The following MBOAT7 variants were observed in gnomAD, a reference collection of about 807,000 sequenced individuals.
MBOAT7 encodes membrane bound acylglycerophosphatidylinositol O-acyltransferase MBOAT7.
MBOAT7 carries 40 observed loss-of-function variants against 47.4 expected under a neutral mutation model. That is an observed-to-expected ratio of 0.84 (90% CI 0.66 to 1.10). MBOAT7 has a LOEUF of 1.10. Among genes scored for constraint, MBOAT7 ranks in the 50% least tolerant of loss-of-function variants. The pLI is 0.00. For synonymous variants in MBOAT7, 361 were observed against 292.0 expected (o/e 1.24, Z -2.41); for missense variants, 680 against 655.6 (o/e 1.04, Z -0.41).
chr19:54,185,487 C>A (rs1216171736), intron 4 of MBOAT7, among the ~76,000 whole-genome samples: 14 of 152,096 alleles, frequency 9.2e-5, no homozygotes, highest in Non-Finnish European at 1.5e-5. Flanking sequence ...ACATCCTGCC[C>A]AATTGGTGGC....
intron 5 of MBOAT7, 101 bp downstream of exon 5, chr19:54,183,420 T>G: frequency 4.4e-6 from 6 of 1,351,988 alleles, no homozygotes; most frequent in Non-Finnish European, 6.1e-6. Context: ...GATGCTAGGA[T>G]GGAGGTTGCC....
chr19:54,181,255 G>A (rs924327989), intron 5 of MBOAT7, 122 bp from the exon 6 acceptor site: 34 of 1,244,326 alleles, frequency 2.7e-5, no homozygotes, highest in East Asian at 2.7e-5. Context: ...GCAGAGACTG[G>A]GCGCCGGGGA....
At position 54,177,826 on chromosome 19, in the gene MBOAT7, C is replaced by G. The variant is rs556265715; in HGVS notation, c.1031+939G>C. ...CATATTGCCCTGACCTCAAGATGATCCACCTGCCTGGGCCTCCCAAACTGC... is the reference window on the plus strand; with the variant it reads ...CATATTGCCCTGACCTCAAGATGATGCACCTGCCTGGGCCTCCCAAACTGC... On this transcript the variant is annotated intron_variant, in intron 7 of 7. Transcript: ENST00000245615. 2.0e-5 allele frequency among the ~76,000 whole-genome samples: 3 copies of G among 151,674 alleles called. No individual in the cohort carries two copies. In the South Asian group the frequency reaches 6.3e-4, roughly 32 times the overall value.
Position 54,178,845 on chromosome 19 carries a change from C to T in MBOAT7, c.951G>A (p.Met317Ile). 1 of 1,613,732 alleles carries T rather than the reference C, an allele frequency of 6.2e-7. No homozygotes were observed. Among genetic ancestry groups the T allele is most frequent in the Non-Finnish European group, 8.5e-7 (1 of 1,180,028 alleles). Residue 317 changes from methionine to isoleucine, a missense_variant, in exon 7 of 8, where the codon ATG becomes ATA. Transcript: ENST00000245615. The stretch of plus-strand genomic sequence containing the variant: ...ACTGCACCGTCATGTTCCAGTACCG[C>T]ATGCCATCGCGCACCCGCACGCAGA... The part of the protein sequence containing the change: ...TDFCVRVRDG[M>I]RYWNMTVQWW...
At chr19:54,188,735 G>A (rs961153931) in intron 1 of MBOAT7, among the ~76,000 whole-genome samples, 21 of 151,756 alleles carry the variant, frequency 1.4e-4, no homozygotes, top group South Asian at 2.1e-4. Flanking sequence ...TGAGCGCACA[G>A]GCCTCCAGCT....
chr19:54,182,223 T>C lies in MBOAT7; in HGVS notation c.494-1090A>G, dbSNP rs183681013. On this transcript the variant is annotated intron_variant, in intron 5 of 7. Coordinates refer to ENST00000245615, the MANE Select transcript of MBOAT7 (RefSeq NM_024298.5). Reference sequence around the variant, plus strand: ...CACAAAGGCCGTATGTTTAGGTCAATGTAGCATGGGAAGATAAAAGGAAAA... The same window carrying C: ...CACAAAGGCCGTATGTTTAGGTCAACGTAGCATGGGAAGATAAAAGGAAAA... Among the ~76,000 whole-genome samples the C allele has an allele frequency of 5.0e-3, 765 of 151,746 alleles. 4 individuals carry two copies. Among genetic ancestry groups the C allele is most frequent in the Admixed American group, 8.3e-3 (126 of 15,250 alleles).
chr19:54,177,669 C>T (rs1003803955), intron 7 of MBOAT7, among the ~76,000 whole-genome samples: 6 of 152,068 alleles, frequency 3.9e-5, no homozygotes, highest in South Asian at 2.1e-4. Context: ...CTCCGCCTCC[C>T]GGGTTCAAGT....
intron 3 of MBOAT7, among the ~76,000 whole-genome samples, chr19:54,188,002 C>T (rs1437004415): frequency 4.6e-5 from 6 of 129,836 alleles, no homozygotes; most frequent in African/African-American, 1.8e-4. Context: ...GCAACAGGAG[C>T]GAAACTCCAT....
chr19:54,188,550 A>T, intron 1 of MBOAT7, 39 bp from the exon 2 acceptor site: 1 of 1,536,816 alleles, frequency 6.5e-7, no homozygotes. Flanking sequence ...GAACCCAGGA[A>T]TCCAGGCCCC....
intron 4 of MBOAT7, among the ~76,000 whole-genome samples, chr19:54,184,329 CCT>C (rs1425759747): frequency 2.0e-5 from 3 of 151,940 alleles, no homozygotes; most frequent in African/African-American, 7.3e-5. Flanking sequence ...GATCTGCCCG[CCT>C]TGAAATCCCT....
At chr19:54,182,659 TACACATAC>T (rs911750105) in intron 5 of MBOAT7, among the ~76,000 whole-genome samples, 1 of 152,022 alleles carries the variant, frequency 6.6e-6, no homozygotes, top group Non-Finnish European at 1.5e-5. Context: ...CACATATATA[TACACATAC>T]ACACATACAT....
Position 54,174,196 on chromosome 19 carries a change from G to A in MBOAT7, c.1267C>T (p.Leu423Phe), listed in dbSNP as rs996881053. ...GFVLLSLADT[L>F]RYWASIYFCI... ...AAGTAGATGGAGGCCCAGTACCGAA[G>A]GGTGTCGGCCAAGGAGAGCAGCACG... Residue 423 changes from leucine (L) to phenylalanine (F), a missense_variant, in exon 8 of 8, where the codon CTT becomes TTT. Coordinates refer to ENST00000245615, the MANE Select transcript of MBOAT7 (RefSeq NM_024298.5). 1.0e-5 allele frequency: 16 copies of A among 1,599,732 alleles called. No individual in the cohort carries two copies. The highest frequency in any genetic ancestry group is 1.4e-5 in the Non-Finnish European group (16 of 1,171,614).
At chr19:54,175,326 C>T (rs1473286829) in intron 7 of MBOAT7, among the ~76,000 whole-genome samples, 2 of 152,158 alleles carry the variant, frequency 1.3e-5, no homozygotes, top group Non-Finnish European at 2.9e-5. Context: ...TCAGCATCAC[C>T]TGAGAACTTG....
At position 54,178,991 on chromosome 19, in the gene MBOAT7, C is replaced by T. The variant is rs376980728; in HGVS notation, c.855-50G>A. On this transcript the variant is annotated intron_variant, in intron 6 of 7. Transcript: ENST00000245615. ...GGGACAGACATGCAGCTCAGCCAGG[C>T]CCCCTCCCGACGCCTGCTAGTGTCC... 1.5e-4 allele frequency: 236 copies of T among 1,595,054 alleles called. 1 individual carries two copies. In the South Asian group the frequency reaches 2.5e-3, roughly 17 times the overall value.
chr19:54,176,471 T>C (rs2076111157), intron 7 of MBOAT7, among the ~76,000 whole-genome samples: 1 of 151,978 alleles, frequency 6.6e-6, no homozygotes, highest in Non-Finnish European at 1.5e-5. Context: ...GACAGGAGGA[T>C]TGCTTGAACC....
intron 6 of MBOAT7, 113 bp from the exon 7 acceptor site, chr19:54,179,054 A>G (rs565406653): frequency 7.1e-7 from 1 of 1,412,792 alleles, no homozygotes; most frequent in East Asian, 2.4e-5. Flanking sequence ...TGGCCAGGCA[A>G]TGGCCCTCTG....
intron 7 of MBOAT7, among the ~76,000 whole-genome samples, chr19:54,175,747 C>T (rs575711683): frequency 7.2e-5 from 11 of 152,202 alleles, no homozygotes; most frequent in Admixed American, 2.6e-4. Context: ...GTTGTTCAGA[C>T]GGAGTCTCGC....
At chr19:54,178,515 C>CTCAGTACATTGCT (rs1464478422) in intron 7 of MBOAT7, 1 of 1,409,336 alleles carries the variant, frequency 7.1e-7, no homozygotes, top group East Asian at 2.6e-5. Context: ...GTCCACAGGA[C>CTCAGTACATTGCT]TCAGTACATT....
At chr19:54,177,822 T>C (rs960464572) in intron 7 of MBOAT7, among the ~76,000 whole-genome samples, 1 of 150,566 alleles carries the variant, frequency 6.6e-6, no homozygotes, top group African/African-American at 2.4e-5. Context: ...GACCTCAAGA[T>C]GATCCACCTG....
Sources: allele counts gnomAD v4.1 joint callset (sites outside exome capture counted in the v4.1 genomes callset), GRCh38; gene constraint gnomAD v4.1.1; transcripts MANE v1.5; gene names NCBI Gene and HGNC (gene_info 2026-07-23, HGNC 2026-07-21).